Variants in VAT1L observed in about 807,000 individuals in gnomAD.
The protein encoded by VAT1L is putative NADPH-dependent quinone oxidoreductase VAT1L.
VAT1L carries 34 observed loss-of-function variants against 44.1 expected under a neutral mutation model. That is an observed-to-expected ratio of 0.77 (90% CI 0.59 to 1.03). VAT1L has a LOEUF of 1.03. Among genes scored for constraint, VAT1L ranks in the 50% least tolerant of loss-of-function variants. The pLI is 0.00. For missense variants in VAT1L, 615 were observed against 538.8 expected, an observed-to-expected ratio of 1.14 and a Z score of -1.40; for synonymous variants, 253 against 202.2, an observed-to-expected ratio of 1.25 and a Z score of -2.13.
chr16:77,803,691 T>C (rs1371891953), intron 1 of VAT1L, among the ~76,000 whole-genome samples: 2 of 152,162 alleles, frequency 1.3e-5, no homozygotes, highest in South Asian at 2.1e-4. Context: ...AGAGCTGGGA[T>C]TACAGGCGTG....
intron 2 of VAT1L, among the ~76,000 whole-genome samples, chr16:77,824,783 TA>T (rs1302229877): frequency 4.1e-5 from 6 of 144,638 alleles, no homozygotes; most frequent in African/African-American, 1.5e-4. Context: ...ATTGTGATAC[TA>T]AAAAATTTGG....
chr16:77,856,397 C>G (rs58958864), intron 3 of VAT1L, among the ~76,000 whole-genome samples: 2,926 of 152,236 alleles, frequency 0.019, 95 homozygotes, highest in African/African-American at 0.067. Flanking sequence ...TAAATTCCCA[C>G]TTAATGGGTA....
intron 7 of VAT1L, among the ~76,000 whole-genome samples, chr16:77,937,891 A>G (rs2017823062): frequency 6.6e-6 from 1 of 152,246 alleles, no homozygotes; most frequent in African/African-American, 2.4e-5. Context: ...ACCGAAGGAA[A>G]CTTGCCCAAA....
At chr16:77,954,730 G>A (rs757949800) in intron 7 of VAT1L, among the ~76,000 whole-genome samples, 2 of 152,198 alleles carry the variant, frequency 1.3e-5, no homozygotes, top group South Asian at 2.1e-4. Flanking sequence ...ACCCAAGCAC[G>A]ATGCCTTCTC....
At chr16:77,921,852 T>C (rs536495276) in intron 7 of VAT1L, among the ~76,000 whole-genome samples, 1 of 151,150 alleles carries the variant, frequency 6.6e-6, no homozygotes, top group African/African-American at 2.4e-5. Context: ...CAAGCAATCC[T>C]CCCACCTCAG....
intron 4 of VAT1L, among the ~76,000 whole-genome samples, chr16:77,872,713 G>A (rs1335983267): frequency 6.6e-6 from 1 of 152,154 alleles, no homozygotes; most frequent in Non-Finnish European, 1.5e-5. Context: ...ATCTTCCAAT[G>A]CTCGTAAGTT....
intron 3 of VAT1L, among the ~76,000 whole-genome samples, chr16:77,832,507 C>T (rs571800405): frequency 3.4e-4 from 52 of 152,238 alleles, no homozygotes; most frequent in African/African-American, 1.2e-3. Context: ...GGATCTCTAC[C>T]GGGCTCAGAT....
At chr16:77,811,531 T>C (rs544007834) in intron 1 of VAT1L, among the ~76,000 whole-genome samples, 1 of 152,172 alleles carries the variant, frequency 6.6e-6, no homozygotes, top group Non-Finnish European at 1.5e-5. Context: ...GGCAGTCATA[T>C]AAAAAGGGCT....
intron 7 of VAT1L, among the ~76,000 whole-genome samples, chr16:77,936,816 C>A (rs2017803435): frequency 6.6e-6 from 1 of 152,146 alleles, no homozygotes; most frequent in Non-Finnish European, 1.5e-5. Flanking sequence ...GGAGCAAAAT[C>A]CCACTTGCGA....
At chr16:77,880,561 CT>C (rs1258221089) in intron 6 of VAT1L, among the ~76,000 whole-genome samples, 157 of 66,458 alleles carry the variant, frequency 2.4e-3, no homozygotes, top group Non-Finnish European at 3.6e-3. Flanking sequence ...GCCCATGTTG[CT>C]TTTTTTTTTT....
intron 7 of VAT1L, among the ~76,000 whole-genome samples, chr16:77,925,352 G>T (rs1472564655): frequency 2.6e-5 from 4 of 152,120 alleles, no homozygotes; most frequent in Admixed American, 6.5e-5. Flanking sequence ...ATGTGAATTT[G>T]ATCCCAGCTT....
rs547774535 is a variant in VAT1L at position 77,948,622 on chromosome 16, A to G, written c.1078-23228A>G. 2.0e-5 allele frequency among the ~76,000 whole-genome samples: 3 copies of G among 152,246 alleles called. No individual in the cohort carries two copies. The South Asian group carries it at 6.2e-4, about 32-fold the overall frequency. ...CCTTCCCTGTTACCCGGTTTCCACA[A>G]TGATTAATATTTGGTTGATTTTTTC... On this transcript the variant is annotated intron_variant, in intron 7 of 8. Coordinates refer to ENST00000302536, the MANE Select transcript of VAT1L (RefSeq NM_020927.3).
chr16:77,945,619 G>A (rs926615891), intron 7 of VAT1L, among the ~76,000 whole-genome samples: 1 of 151,632 alleles, frequency 6.6e-6, no homozygotes, highest in African/African-American at 2.4e-5. Flanking sequence ...ATTTTCTCCT[G>A]ATAAGAAAAG....
At chr16:77,944,664 A>T (rs1187921121) in intron 7 of VAT1L, among the ~76,000 whole-genome samples, 1 of 152,212 alleles carries the variant, frequency 6.6e-6, no homozygotes, top group African/African-American at 2.4e-5. Context: ...TATGTTCTCA[A>T]CAAACATAAT....
chr16:77,794,522 C>T (rs1048699636), intron 1 of VAT1L, among the ~76,000 whole-genome samples: 1 of 152,182 alleles, frequency 6.6e-6, no homozygotes, highest in Admixed American at 6.5e-5. Context: ...GCTACATTGG[C>T]AAACCAAGTA....
At chr16:77,936,658 C>G (rs527454086) in intron 7 of VAT1L, among the ~76,000 whole-genome samples, 4 of 152,172 alleles carry the variant, frequency 2.6e-5, no homozygotes, top group African/African-American at 9.7e-5. Flanking sequence ...CACTTCCTGC[C>G]TCACAGTTTG....
At chr16:77,877,312 C>T (rs916282538) in intron 5 of VAT1L, among the ~76,000 whole-genome samples, 12 of 151,936 alleles carry the variant, frequency 7.9e-5, no homozygotes, top group Non-Finnish European at 1.3e-4. Context: ...AGATCGAGAC[C>T]ATCCTGGCTA....
intron 3 of VAT1L, among the ~76,000 whole-genome samples, chr16:77,844,057 G>A (rs1375721253): frequency 6.6e-6 from 1 of 152,188 alleles, no homozygotes; most frequent in South Asian, 2.1e-4. Flanking sequence ...CCATCTGTAA[G>A]GGAGAAAGGC....
chr16:77,805,798 A>G (rs2016145458), intron 1 of VAT1L, among the ~76,000 whole-genome samples: 1 of 150,570 alleles, frequency 6.6e-6, no homozygotes, highest in African/African-American at 2.4e-5. Context: ...TTCCCCAAGC[A>G]GTTTACCAAT....
Sources: gnomAD v4.1 joint callset for allele counts (sites outside exome capture counted in the v4.1 genomes callset) on GRCh38, gnomAD v4.1.1 for gene constraint, MANE v1.5 for transcripts, NCBI Gene and HGNC (gene_info 2026-07-23, HGNC 2026-07-21) for gene names.